Variants in SRSF12 observed in about 807,000 individuals in gnomAD.
SRSF12 encodes the protein serine/arginine-rich splicing factor 12.
A neutral mutation model predicts 34.1 loss-of-function variants in SRSF12; 21 were observed. The observed-to-expected ratio is 0.62, with a 90% CI of 0.44 to 0.89. The LOEUF is 0.89. Among genes scored for constraint, SRSF12 ranks in the 40% least tolerant of loss-of-function variants. SRSF12 has a pLI of 0.00. For synonymous variants in SRSF12, 111 were observed against 110.8 expected (o/e 1.00, Z -0.01); for missense variants, 278 against 327.8 (o/e 0.85, Z 1.17).
At chr6:89,101,697 CA>C (rs57710136) in intron 4 of SRSF12, among the ~76,000 whole-genome samples, 99,083 of 149,902 alleles carry the variant, frequency 0.66, 33,231 homozygotes, top group East Asian at 0.78. Flanking sequence ...GACTCTGTCT[CA>C]AAAAAAAATA....
intron 3 of SRSF12, 42 bp downstream of exon 3, chr6:89,105,385 A>C: frequency 6.4e-7 from 1 of 1,567,992 alleles, no homozygotes; most frequent in Non-Finnish European, 8.6e-7. Flanking sequence ...ACTGAAACTC[A>C]TTCTGCTGAA....
Position 89,097,163 on chromosome 6 carries a change from A to G in SRSF12, c.*1415T>C, listed in dbSNP as rs573796904. The G allele has an allele frequency of 4.6e-5, 7 of 152,354 alleles. No individual in the cohort carries two copies. Among genetic ancestry groups the G allele is most frequent in the Non-Finnish European group, 8.8e-5 (6 of 68,032 alleles). 9.4% of individuals were successfully genotyped at this position (152,354 alleles called of 1,614,324 possible). ...ACAAATAGAAGCAACACTGGCTCCT[A>G]TATACTAAAAATATAAGACAGATTT... On this transcript the variant is annotated 3_prime_UTR_variant, in exon 5 of 5. Transcript: ENST00000452027.
intron 2 of SRSF12, 166 bp downstream of exon 2, chr6:89,106,987 TG>T (rs1464806851): frequency 1.6e-5 from 12 of 727,350 alleles, no homozygotes; most frequent in Admixed American, 4.1e-5. Context: ...TGGTTCAAAC[TG>T]GGGGGTGCTT....
At position 89,098,762 on chromosome 6, in the gene SRSF12, T is replaced by C. The variant is rs369074232; in HGVS notation, c.602A>G (p.Gln201Arg). The C allele has an allele frequency of 7.9e-5, 127 of 1,614,010 alleles. No individual in the cohort carries two copies. The East Asian group carries it at 2.0e-3, about 25-fold the overall frequency. Residue 201 changes from glutamine (Q) to arginine (R), a missense_variant, in exon 5 of 5, where the codon CAA becomes CGA. Physicochemically the swap from Gln to Arg is conservative, Grantham distance 43. Transcript: ENST00000452027. ...SIGKSQSSSP[Q>R]KQTSSGTKSR... is the part of the protein sequence containing the mutation. Reference sequence around the variant, plus strand: ...TTTTGTTCCTGAGCTAGTCTGCTTTTGAGGTGAACTTGACTGTGATTTTCC... The same window carrying C: ...TTTTGTTCCTGAGCTAGTCTGCTTTCGAGGTGAACTTGACTGTGATTTTCC...
At position 89,096,238 on chromosome 6, in the gene SRSF12, G is replaced by A. The variant is rs1041750154; in HGVS notation, c.*2340C>T. On this transcript the variant is annotated 3_prime_UTR_variant, in exon 5 of 5. Coordinates refer to ENST00000452027, the MANE Select transcript of SRSF12 (RefSeq NM_080743.5). ...TCTCTTTGCAAAAGACATAGGAACA[G>A]CAGTCAGGAAGAGGACTCTGAAGCC... 6.6e-6 allele frequency: 1 copy of A among 152,192 alleles called. No homozygotes were observed. The highest frequency in any genetic ancestry group is 2.4e-5 in the African/African-American group (1 of 41,432). The allele number at this position is 152,192 out of a possible 1,614,324, so 9.4% of individuals were successfully genotyped here.
chr6:89,099,911 G>A (rs1042194374), intron 4 of SRSF12, among the ~76,000 whole-genome samples: 2 of 152,148 alleles, frequency 1.3e-5, no homozygotes, highest in African/African-American at 4.8e-5. Flanking sequence ...ATCAACACAA[G>A]CAGGAAGAAC....
rs1769398705 is a variant in SRSF12, at chr6:89,118,005, G to A, written c.-118C>T. ...GCCCCCGGCGCGACCCCCACCCCTC[G>A]GCCTCAGCCCCGCCAGCGCGCAGCC... On this transcript the variant is annotated 5_prime_UTR_variant, in exon 1 of 5. Coordinates refer to ENST00000452027, the MANE Select transcript of SRSF12 (RefSeq NM_080743.5). The A allele has an allele frequency of 2.7e-6, 3 of 1,099,360 alleles. No homozygotes were observed. Among genetic ancestry groups the A allele is most frequent in the Non-Finnish European group, 3.8e-6 (3 of 795,346 alleles). The allele number at this position is 1,099,360 out of a possible 1,614,324, so 68.1% of individuals were successfully genotyped here. A position where few individuals can be genotyped will look rare whatever the true frequency, so the allele number is the denominator to read the frequency against.
intron 1 of SRSF12, among the ~76,000 whole-genome samples, chr6:89,116,829 A>G (rs1451518638): frequency 6.6e-6 from 1 of 152,080 alleles, no homozygotes; most frequent in African/African-American, 2.4e-5. Flanking sequence ...TTTACTCCTC[A>G]AAGGTAAATT....
In SRSF12 at chr6:89,110,022, C is replaced by T. The variant is rs562399791; in HGVS notation, c.66-2764G>A. ...AGGAGAATGGTGTGAACCCAGGAGG[C>T]GGAGCTTGCAGTGAGCCAAGATCAT... On this transcript the variant is annotated intron_variant, in intron 1 of 4. Transcript: ENST00000452027. 1.4e-4 allele frequency among the ~76,000 whole-genome samples: 21 copies of T among 151,992 alleles called. 1 individual carries two copies. Among genetic ancestry groups the T allele is most frequent in the Admixed American group, 8.5e-4 (13 of 15,264 alleles).
In SRSF12 at chr6:89,115,932, G is replaced by A. The variant is rs114811429; in HGVS notation, c.65+1891C>T. Among the ~76,000 whole-genome samples the A allele has an allele frequency of 7.9e-3, 1,204 of 152,194 alleles. 14 individuals are homozygous for A. The highest frequency in any genetic ancestry group is 0.028 in the African/African-American group (1,147 of 41,488). ...TTACAGGCATGAGCCACCGCACCCG[G>A]CCACGAATGGGATTTTCATATGATT... On this transcript the variant is annotated intron_variant, in intron 1 of 4. Coordinates refer to ENST00000452027, the MANE Select transcript of SRSF12 (RefSeq NM_080743.5).
chr6:89,104,985 G>T (rs1768719353), intron 4 of SRSF12, 134 bp downstream of exon 4: 2 of 828,410 alleles, frequency 2.4e-6, no homozygotes, highest in African/African-American at 1.7e-5. Flanking sequence ...GAGTCTAGGA[G>T]GTCAAGTCTA....
At chr6:89,114,655 A>T (rs1231746040) in intron 1 of SRSF12, among the ~76,000 whole-genome samples, 1 of 152,168 alleles carries the variant, frequency 6.6e-6, no homozygotes, top group Admixed American at 6.5e-5. Flanking sequence ...AATCTCAACT[A>T]TCAGTCTCAA....
At chr6:89,103,955 A>G (rs1273715815) in intron 4 of SRSF12, among the ~76,000 whole-genome samples, 2 of 149,422 alleles carry the variant, frequency 1.3e-5, no homozygotes, top group Non-Finnish European at 3.0e-5. Context: ...CATTAACTTT[A>G]GTCAACCACC....
chr6:89,114,216 T>C (rs1769185813), intron 1 of SRSF12, among the ~76,000 whole-genome samples: 1 of 152,152 alleles, frequency 6.6e-6, no homozygotes, highest in African/African-American at 2.4e-5. Context: ...TTACCTGACA[T>C]CAAGAGTTCG....
chr6:89,109,065 G>A (rs568483359), intron 1 of SRSF12, among the ~76,000 whole-genome samples: 2 of 152,240 alleles, frequency 1.3e-5, no homozygotes, highest in Non-Finnish European at 2.9e-5. Flanking sequence ...CAGGCTCTAG[G>A]AATATAATGA....
At chr6:89,107,379 A>G (rs1768842818) in intron 1 of SRSF12, 121 bp from the exon 2 acceptor site, 4 of 722,252 alleles carry the variant, frequency 5.5e-6, no homozygotes, top group Non-Finnish European at 9.1e-6. Context: ...ATTATCTAAA[A>G]TTGTTTTTTG....
intron 4 of SRSF12, among the ~76,000 whole-genome samples, chr6:89,103,234 A>G (rs965571766): frequency 4.6e-5 from 7 of 152,268 alleles, no homozygotes; most frequent in African/African-American, 1.7e-4. Context: ...ACTAGAAGGC[A>G]GAAAATGATG....
At chr6:89,106,042 T>C (rs935889185) in intron 2 of SRSF12, 1 of 152,240 alleles carries the variant, frequency 6.6e-6, no homozygotes, top group Non-Finnish European at 1.5e-5. Flanking sequence ...ACTGCACATA[T>C]ACAAGTGAGT....
intron 1 of SRSF12, among the ~76,000 whole-genome samples, chr6:89,111,753 G>A (rs1366471815): frequency 6.6e-6 from 1 of 152,068 alleles, no homozygotes; most frequent in Non-Finnish European, 1.5e-5. Context: ...TAAGTATGAT[G>A]TTAGCTATGT....
Sources: gnomAD v4.1 joint callset for allele counts (sites outside exome capture counted in the v4.1 genomes callset) on GRCh38, gnomAD v4.1.1 for gene constraint, MANE v1.5 for transcripts, NCBI Gene and HGNC (gene_info 2026-07-23, HGNC 2026-07-21) for gene names.